Variants in RMDN2 observed in about 807,000 individuals in gnomAD.
RMDN2 encodes regulator of microtubule dynamics protein 2.
RMDN2 carries 61 observed loss-of-function variants against 52.8 expected under a neutral mutation model. That is an observed-to-expected ratio of 1.16 (90% CI 0.94 to 1.43). RMDN2 has a LOEUF of 1.43. Among genes scored for constraint, RMDN2 ranks in the 40% most tolerant of loss-of-function variants. RMDN2 has a pLI of 0.00. For synonymous variants in RMDN2, 180 were observed against 153.1 expected, an observed-to-expected ratio of 1.18 and a Z score of -1.30; for missense variants, 592 against 475.3, an observed-to-expected ratio of 1.25 and a Z score of -2.28.
intron 4 of RMDN2, among the ~76,000 whole-genome samples, chr2:37,979,123 A>T (rs1672966645): frequency 6.6e-6 from 1 of 152,238 alleles, no homozygotes; most frequent in Non-Finnish European, 1.5e-5. Flanking sequence ...CGATGTGTTC[A>T]TTCAGATATT....
At chr2:37,949,306 G>A (rs562350572) in intron 2 of RMDN2, among the ~76,000 whole-genome samples, 1 of 152,288 alleles carries the variant, frequency 6.6e-6, no homozygotes, top group Admixed American at 6.5e-5. Context: ...AGGACCAAGA[G>A]CAGGTTTAGC....
chr2:38,052,564 G>A (rs1361341893), intron 10 of RMDN2, among the ~76,000 whole-genome samples: 1 of 152,058 alleles, frequency 6.6e-6, no homozygotes, highest in Admixed American at 6.6e-5. Flanking sequence ...TGTGTTGCTG[G>A]TGCTTTTGGA....
chr2:37,929,862 TTA>T (rs1448373636), intron 2 of RMDN2, 133 bp downstream of exon 2: 1 of 627,350 alleles, frequency 1.6e-6, no homozygotes, highest in East Asian at 2.9e-5. Flanking sequence ...ATATTTTGAC[TTA>T]GATTATAATT....
chr2:38,027,352 C>G (rs1392203451), intron 10 of RMDN2: 5 of 152,144 alleles, frequency 3.3e-5, no homozygotes, highest in African/African-American at 1.2e-4. Context: ...GAAAACCATT[C>G]TTTTTATACC....
chr2:37,982,293 C>G (rs1264840704), intron 5 of RMDN2, among the ~76,000 whole-genome samples: 1 of 152,208 alleles, frequency 6.6e-6, no homozygotes, highest in Non-Finnish European at 1.5e-5. Flanking sequence ...GCAGGGGGAG[C>G]TCCACTCACA....
At chr2:37,975,378 T>TA in intron 4 of RMDN2, 64 bp downstream of exon 4, 1 of 944,228 alleles carries the variant, frequency 1.1e-6, no homozygotes, top group Non-Finnish European at 1.7e-6. Flanking sequence ...CATGCAGCCG[T>TA]AAAAAAGGAT....
In RMDN2 at chr2:37,980,028, C is replaced by A. The variant is rs115771417; in HGVS notation, c.731-1255C>A. Among the ~76,000 whole-genome samples the A allele has an allele frequency of 3.5e-3, 533 of 152,192 alleles. 2 individuals carry two copies. Among genetic ancestry groups the A allele is most frequent in the African/African-American group, 0.013 (520 of 41,522 alleles). On this transcript the variant is annotated intron_variant, in intron 4 of 10. Transcript: ENST00000354545. ...AGAATATTTATCTTAATGGATAGAA[C>A]TGTAGAATGCCACCTTAACAAATTA...
At chr2:37,970,810 G>A (rs11694416) in intron 2 of RMDN2, among the ~76,000 whole-genome samples, 124,655 of 152,102 alleles carry the variant, frequency 0.82, 51,285 homozygotes, top group Middle Eastern at 0.92. Context: ...TATAAAAGCT[G>A]TATATTATTT....
At chr2:37,933,895 A>C (rs1667074673) in intron 2 of RMDN2, among the ~76,000 whole-genome samples, 1 of 152,202 alleles carries the variant, frequency 6.6e-6, no homozygotes, top group Non-Finnish European at 1.5e-5. Flanking sequence ...TATTTTTCAG[A>C]AACAAGGTTT....
chr2:37,938,587 A>G (rs560266211), intron 2 of RMDN2, among the ~76,000 whole-genome samples: 21 of 152,320 alleles, frequency 1.4e-4, no homozygotes, highest in Admixed American at 6.5e-4. Flanking sequence ...TTATTGGTCT[A>G]TTCGGGGATT....
intron 2 of RMDN2, among the ~76,000 whole-genome samples, chr2:37,962,177 T>C (rs1295667513): frequency 6.6e-6 from 1 of 152,220 alleles, no homozygotes; most frequent in Non-Finnish European, 1.5e-5. Context: ...GGTCAGGGAC[T>C]CACTTGAGGA....
chr2:38,011,926 C>T (rs1427102092), intron 10 of RMDN2, among the ~76,000 whole-genome samples: 1 of 152,178 alleles, frequency 6.6e-6, no homozygotes, highest in South Asian at 2.1e-4. Flanking sequence ...TGCCTCCCGC[C>T]AGGCCACTCT....
At chr2:38,053,051 C>G (rs535084955) in intron 10 of RMDN2, among the ~76,000 whole-genome samples, 1 of 152,306 alleles carries the variant, frequency 6.6e-6, no homozygotes, top group African/African-American at 2.4e-5. Flanking sequence ...GTTTTAATCT[C>G]AGCTGCATCT....
At chr2:37,987,489 C>T (rs999766563) in intron 5 of RMDN2, among the ~76,000 whole-genome samples, 2 of 151,958 alleles carry the variant, frequency 1.3e-5, no homozygotes, top group African/African-American at 4.8e-5. Context: ...TGGGAAAGAC[C>T]AAACTATGGA....
chr2:37,938,416 A>G (rs1376137420), intron 2 of RMDN2, among the ~76,000 whole-genome samples: 3 of 152,206 alleles, frequency 2.0e-5, no homozygotes, highest in East Asian at 1.9e-4. Context: ...TCATAAAATG[A>G]GTTAGGGAGG....
intron 2 of RMDN2, among the ~76,000 whole-genome samples, chr2:37,946,075 T>C (rs1410488981): frequency 6.6e-6 from 1 of 152,240 alleles, no homozygotes; most frequent in Non-Finnish European, 1.5e-5. Flanking sequence ...TCGTTAATTC[T>C]AAGATGAACA....
chr2:37,938,037 A>G (rs1307257436), intron 2 of RMDN2, among the ~76,000 whole-genome samples: 1 of 152,152 alleles, frequency 6.6e-6, no homozygotes, highest in African/African-American at 2.4e-5. Flanking sequence ...TGTCATAAAT[A>G]GCTTTTATTA....
At chr2:37,974,958 C>T (rs1558496595) in intron 3 of RMDN2, 2 of 406,148 alleles carry the variant, frequency 4.9e-6, no homozygotes, top group Non-Finnish European at 8.8e-6. Flanking sequence ...CTCTTCTCTG[C>T]ATAGATGGAG....
intron 7 of RMDN2, among the ~76,000 whole-genome samples, chr2:37,993,069 C>T (rs1675026559): frequency 6.6e-6 from 1 of 152,148 alleles, no homozygotes; most frequent in Non-Finnish European, 1.5e-5. Context: ...CGTGTGCCAC[C>T]ACGCTCGGGT....
Sources: allele counts gnomAD v4.1 joint callset (sites outside exome capture counted in the v4.1 genomes callset), GRCh38; gene constraint gnomAD v4.1.1; transcripts MANE v1.5; gene names NCBI Gene and HGNC (gene_info 2026-07-23, HGNC 2026-07-21).